BMAL2: variants seen among roughly 807,000 people sequenced by gnomAD.
BMAL2 encodes basic helix-loop-helix ARNT-like protein 2.
chr12:27,356,648 C>T, the BMAL2 span, among the ~76,000 whole-genome samples: 2 of 152,142 alleles, frequency 1.3e-5, no homozygotes, highest in Non-Finnish European at 2.9e-5. Flanking sequence ...CTCCTAGTAA[C>T]ATTTTATTAT....
chr12:27,419,151 A>C, the BMAL2 span, among the ~76,000 whole-genome samples: 4 of 152,232 alleles, frequency 2.6e-5, no homozygotes, highest in African/African-American at 9.6e-5. Context: ...AGAAGTCAAA[A>C]AAGTTTAAGA....
the BMAL2 span, among the ~76,000 whole-genome samples, chr12:27,359,561 A>G: frequency 6.6e-6 from 1 of 152,072 alleles, no homozygotes; most frequent in Non-Finnish European, 1.5e-5. Context: ...ACGTGCCTGT[A>G]GTCCCAGCTA....
chr12:27,400,454 C>T, the BMAL2 span: 78,598 of 1,199,072 alleles, frequency 0.066, 2,853 homozygotes, highest in East Asian at 0.13. Flanking sequence ...ACAATTATAA[C>T]TATTATAGAT....
chr12:27,397,318 C>G, the BMAL2 span, among the ~76,000 whole-genome samples: 4 of 152,238 alleles, frequency 2.6e-5, no homozygotes, highest in Admixed American at 1.3e-4. Flanking sequence ...GATCCGCCAA[C>G]CTTGGCCTCC....
At chr12:27,390,542 A>G in the BMAL2 span, 1 of 269,432 alleles carries the variant, frequency 3.7e-6, no homozygotes, top group African/African-American at 2.3e-5. Context: ...TTTGCTGTGA[A>G]ACTTCATTAT....
At chr12:27,365,067 C>A in the BMAL2 span, among the ~76,000 whole-genome samples, 1 of 152,006 alleles carries the variant, frequency 6.6e-6, no homozygotes, top group South Asian at 2.1e-4. Flanking sequence ...CATATCATTT[C>A]CCAATAAGAG....
At chr12:27,395,474 C>G in the BMAL2 span, among the ~76,000 whole-genome samples, 8 of 152,104 alleles carry the variant, frequency 5.3e-5, no homozygotes, top group Admixed American at 3.9e-4. Flanking sequence ...CTCCGTGGAA[C>G]TGCATAGCCC....
the BMAL2 span, among the ~76,000 whole-genome samples, chr12:27,362,261 A>C: frequency 6.6e-6 from 1 of 152,168 alleles, no homozygotes; most frequent in Non-Finnish European, 1.5e-5. Flanking sequence ...AAAATCCATT[A>C]GAATGAAGTC....
chr12:27,420,338 G>T, the BMAL2 span: 1 of 1,589,710 alleles, frequency 6.3e-7, no homozygotes, highest in African/African-American at 1.4e-5. Context: ...CAAAATGTGT[G>T]AAATGTATGA....
the BMAL2 span, among the ~76,000 whole-genome samples, chr12:27,399,017 C>A: frequency 6.6e-6 from 1 of 152,006 alleles, no homozygotes; most frequent in South Asian, 2.1e-4. Context: ...CTGGGTTGAT[C>A]GTGGCACCAG....
At chr12:27,406,888 A>T in the BMAL2 span, among the ~76,000 whole-genome samples, 1 of 152,230 alleles carries the variant, frequency 6.6e-6, no homozygotes, top group African/African-American at 2.4e-5. Context: ...CAATAAAGGG[A>T]TGGAGGAAGA....
At chr12:27,418,089 T>A in the BMAL2 span, 1 of 1,606,144 alleles carries the variant, frequency 6.2e-7, no homozygotes, top group Non-Finnish European at 8.5e-7. Context: ...TCTTTTCAGA[T>A]GTCAAATAAG....
chr12:27,419,549 T>C, the BMAL2 span, among the ~76,000 whole-genome samples: 1 of 152,212 alleles, frequency 6.6e-6, no homozygotes, highest in African/African-American at 2.4e-5. Flanking sequence ...GCCTCACTTC[T>C]CAACACCATT....
At chr12:27,377,711 A>G in the BMAL2 span, among the ~76,000 whole-genome samples, 40,620 of 152,188 alleles carry the variant, frequency 0.27, 5,679 homozygotes, top group South Asian at 0.35. Flanking sequence ...ACTGCACTGC[A>G]ACCTGGGCAA....
chr12:27,378,330 G>A, the BMAL2 span, among the ~76,000 whole-genome samples: 1 of 152,328 alleles, frequency 6.6e-6, no homozygotes, highest in Non-Finnish European at 1.5e-5. Context: ...TGGTATGAAA[G>A]GTACTGAGGT....
At chr12:27,415,882 T>G in the BMAL2 span, 1 of 1,607,356 alleles carries the variant, frequency 6.2e-7, no homozygotes, top group Non-Finnish European at 8.5e-7. Flanking sequence ...ACAGTCTTCT[T>G]CATACCTTGA....
the BMAL2 span, among the ~76,000 whole-genome samples, chr12:27,411,075 T>C: frequency 6.6e-6 from 1 of 152,164 alleles, no homozygotes; most frequent in African/African-American, 2.4e-5. Context: ...ATGTATTTAA[T>C]TTTATATATC....
the BMAL2 span, chr12:27,424,273 A>G: frequency 2.0e-5 from 3 of 152,232 alleles, no homozygotes; most frequent in Non-Finnish European, 2.9e-5. Flanking sequence ...AAGAACAATT[A>G]TTTATTGATC....
chr12:27,333,279 G>A, the BMAL2 span: 1 of 616,470 alleles, frequency 1.6e-6, no homozygotes, highest in Non-Finnish European at 2.2e-6. Flanking sequence ...GCCCCGTGGG[G>A]CACAGGTGCG....
Sources: gnomAD v4.1 joint callset for allele counts (sites outside exome capture counted in the v4.1 genomes callset) on GRCh38, gnomAD v4.1.1 for gene constraint, MANE v1.5 for transcripts, NCBI Gene and HGNC (gene_info 2026-07-23, HGNC 2026-07-21) for gene names.